The following CELF2 variants were observed in gnomAD, a reference collection of about 807,000 sequenced individuals.
The protein encoded by CELF2 is CUGBP Elav-like family member 2.
A neutral mutation model predicts 62.6 loss-of-function variants in CELF2; 8 were observed. That is an observed-to-expected ratio of 0.13 (90% CI 0.07 to 0.23). The LOEUF (loss-of-function observed/expected upper bound fraction) is 0.23. Ranked by LOEUF, CELF2 falls within the 10% of genes least tolerant of loss-of-function variation. The pLI is 1.00. For missense variants in CELF2, 333 were observed against 671.0 expected, an observed-to-expected ratio of 0.50 and a Z score of 5.56; for synonymous variants, 258 against 250.0, an observed-to-expected ratio of 1.03 and a Z score of -0.30.
At chr10:10,646,972 C>T in the CELF2 span, among the ~76,000 whole-genome samples, 1 of 152,178 alleles carries the variant, frequency 6.6e-6, no homozygotes, top group South Asian at 2.1e-4. Context: ...CTAGCCTACT[C>T]GTTGGCATGA....
chr10:10,686,915 AC>A, the CELF2 span, among the ~76,000 whole-genome samples: 4 of 151,992 alleles, frequency 2.6e-5, no homozygotes, highest in African/African-American at 4.8e-5. Context: ...TATATGTGGA[AC>A]TCTGAGTCTG....
chr10:10,899,790 T>C (rs1484047341), intron 1 of CELF2, among the ~76,000 whole-genome samples: 1 of 152,154 alleles, frequency 6.6e-6, no homozygotes, highest in East Asian at 1.9e-4. Flanking sequence ...GGGGAGGTGC[T>C]ACGCACTTTT....
At chr10:10,532,082 G>A in the CELF2 span, among the ~76,000 whole-genome samples, 6,224 of 152,298 alleles carry the variant, frequency 0.041, 421 homozygotes, top group African/African-American at 0.14. Context: ...TTTGCCTAAC[G>A]GCAATGTGGT....
At chr10:10,794,308 G>C (rs968904599), upstream of CELF2, among the ~76,000 whole-genome samples, 1 of 151,984 alleles carries the variant, frequency 6.6e-6, no homozygotes, top group Non-Finnish European at 1.5e-5. Flanking sequence ...AGGAGAGAGA[G>C]AGCTTACTCA....
At chr10:11,113,311 TAGCATCATC>T (rs2055701888) in intron 1 of CELF2, among the ~76,000 whole-genome samples, 1 of 152,334 alleles carries the variant, frequency 6.6e-6, no homozygotes, top group Admixed American at 6.5e-5. Flanking sequence ...TCACCGAGGA[TAGCATCATC>T]AGCATCATCA....
chr10:10,899,485 C>G (rs547439400), intron 1 of CELF2, among the ~76,000 whole-genome samples: 1 of 152,324 alleles, frequency 6.6e-6, no homozygotes, highest in South Asian at 2.1e-4. Context: ...CAAGCTTCGT[C>G]TGCAGAGAAC....
chr10:10,560,807 A>G, the CELF2 span, among the ~76,000 whole-genome samples: 1 of 152,196 alleles, frequency 6.6e-6, no homozygotes, highest in African/African-American at 2.4e-5. Context: ...AAACTCTGAT[A>G]TATATATACA....
chr10:11,215,729 T>A (rs1472231275), intron 2 of CELF2, among the ~76,000 whole-genome samples: 1 of 152,078 alleles, frequency 6.6e-6, no homozygotes, highest in East Asian at 1.9e-4. Context: ...GCTAGAAGCG[T>A]TTAGTAAGGC....
the CELF2 span, among the ~76,000 whole-genome samples, chr10:10,675,534 A>AT: frequency 6.6e-6 from 1 of 151,414 alleles, no homozygotes; most frequent in African/African-American, 2.4e-5. Context: ...AATTTAGGGA[A>AT]TTTTTCAGCT....
chr10:11,287,975 C>A (rs796343545), intron 8 of CELF2, among the ~76,000 whole-genome samples: 9 of 152,356 alleles, frequency 5.9e-5, no homozygotes, highest in African/African-American at 2.2e-4. Flanking sequence ...TGAAGCCCTT[C>A]CTCCAGCTGC....
intron 2 of CELF2, among the ~76,000 whole-genome samples, chr10:11,167,894 A>G (rs2067696846): frequency 6.6e-6 from 1 of 152,184 alleles, no homozygotes; most frequent in Admixed American, 6.5e-5. Context: ...GCTTATAAGA[A>G]GTTAAGAAAC....
At chr10:10,622,102 A>G in the CELF2 span, among the ~76,000 whole-genome samples, 1 of 152,194 alleles carries the variant, frequency 6.6e-6, no homozygotes, top group Non-Finnish European at 1.5e-5. Flanking sequence ...TCTCGTCCTG[A>G]CAGTCACTGG....
At chr10:11,116,933 C>T (rs1013984187) in intron 1 of CELF2, among the ~76,000 whole-genome samples, 3 of 152,188 alleles carry the variant, frequency 2.0e-5, no homozygotes, top group African/African-American at 7.2e-5. Context: ...ATTTAATCCA[C>T]ATGACAGTCA....
chr10:10,695,192 G>A, the CELF2 span, among the ~76,000 whole-genome samples: 1 of 146,982 alleles, frequency 6.8e-6, no homozygotes, highest in Non-Finnish European at 1.5e-5. Context: ...GCTCTTTTAG[G>A]GCAGGCCTGG....
At chr10:10,464,448 T>A in the CELF2 span, among the ~76,000 whole-genome samples, 3 of 152,028 alleles carry the variant, frequency 2.0e-5, no homozygotes, top group East Asian at 1.9e-4. Context: ...TGGAAAAAAA[T>A]TCATTTCTTT....
chr10:11,331,770 T>C lies in CELF2; in HGVS notation c.*2717T>C, dbSNP rs2096027005. The C allele has an allele frequency of 6.6e-6, 1 of 152,654 alleles. No individual in the cohort carries two copies. The highest frequency in any genetic ancestry group is 2.1e-4 in the South Asian group (1 of 4,830). The allele number at this position is 152,654 out of a possible 1,614,324, so 9.5% of individuals were successfully genotyped here. ...TTTTAACCACTCCGCACATCAGTGC[T>C]GTGAAGGCAACCTCACCATGTATTT... On this transcript the variant is annotated 3_prime_UTR_variant, in exon 13 of 13. Transcript: ENST00000633077.
At chr10:11,225,089 A>G (rs1233631099) in intron 3 of CELF2, among the ~76,000 whole-genome samples, 3 of 152,120 alleles carry the variant, frequency 2.0e-5, no homozygotes, top group Admixed American at 2.0e-4. Flanking sequence ...CATTAGTAGT[A>G]TGACATAAGC....
intron 1 of CELF2, among the ~76,000 whole-genome samples, chr10:10,835,251 T>C (rs991976465): frequency 1.3e-5 from 2 of 152,064 alleles, no homozygotes; most frequent in Non-Finnish European, 2.9e-5. Flanking sequence ...GCTCGGCTAG[T>C]TATTTTTTAT....
In CELF2 at chr10:10,995,424, C is replaced by T. The variant is rs1027601561; in HGVS notation, c.89+75425C>T. ...TTTAAGCTCAGCCCTGAAGGATACA[C>T]AGAAATAAACCCAGTCACAGGGTGG... On this transcript the variant is annotated intron_variant, in intron 2 of 13. Transcript: ENST00000636488. The surrounding 1 kb of genome is among the most constrained non-coding windows in gnomAD (Gnocchi z 4.7). Among the ~76,000 whole-genome samples, 4 of 152,168 alleles carry T rather than the reference C, an allele frequency of 2.6e-5. No homozygotes were observed. The highest frequency in any genetic ancestry group is 5.9e-5 in the Non-Finnish European group (4 of 68,032).
Sources: gnomAD v4.1 joint callset for allele counts (sites outside exome capture counted in the v4.1 genomes callset) on GRCh38, gnomAD v4.1.1 for gene constraint, Gnocchi (gnomAD v3.1) non-coding constraint, MANE v1.5 for transcripts, NCBI Gene and HGNC (gene_info 2026-07-23, HGNC 2026-07-21) for gene names.